Variants in TGIF1 observed in about 807,000 individuals in gnomAD.
TGIF1 encodes the protein homeobox protein TGIF1.
A neutral mutation model predicts 19.3 loss-of-function variants in TGIF1; 4 were observed. The ratio of observed to expected loss-of-function variants is 0.21; its 90% confidence interval spans 0.10 to 0.47. The LOEUF (loss-of-function observed/expected upper bound fraction) is 0.47, where lower values mean the gene tolerates loss of function less well. Ranked by LOEUF, TGIF1 falls within the 20% of genes least tolerant of loss-of-function variation. The pLI is 0.98. For missense variants in TGIF1, 275 were observed against 341.4 expected (o/e 0.81, Z 1.53); for synonymous variants, 122 against 129.3 (o/e 0.94, Z 0.38).
upstream of TGIF1, chr18:3,448,013 T>C: frequency 1.0e-6 from 1 of 972,644 alleles, no homozygotes; most frequent in Non-Finnish European, 1.2e-6. Context: ...AGCCACCGCG[T>C]GGCCAAGGAG....
chr18:3,449,583 G>A (rs959566510), upstream of TGIF1: 30 of 984,058 alleles, frequency 3.0e-5, no homozygotes, highest in Non-Finnish European at 3.5e-5. Flanking sequence ...CGCTGCTGGA[G>A]GAAGAGCCCC....
chr18:3,457,756 C>G lies in TGIF1; in HGVS notation c.635C>G (p.Ser212Cys), dbSNP rs1487113873. The change falls in exon 3 of 3, where the codon TCT becomes TGT. Residue 212 changes from serine to cysteine, a missense_variant. Coordinates refer to ENST00000343820, the MANE Select transcript of TGIF1 (RefSeq NM_003244.4). The surrounding 1 kb of genome is among the most constrained non-coding windows in gnomAD (Gnocchi z 4.9). ...GCGGCCAAAAACTTCACAGACACCT[C>G]TCTCATGTACCCAGAGGACACTTGT... ...QIAAKNFTDTSLMYPEDTCKS... is the reference protein window; with the variant it reads ...QIAAKNFTDTCLMYPEDTCKS... The G allele has an allele frequency of 1.2e-6, 2 of 1,614,218 alleles. No individual in the cohort carries two copies. The highest frequency in any genetic ancestry group is 1.1e-5 in the South Asian group (1 of 91,092).
chr18:3,433,289 G>C lies in TGIF1; in HGVS notation c.-45+15074G>C, dbSNP rs145193471. ...GGATTTCCCCATGTTGGCCAGGCTGGTCTCCAACTCCTGGCCTCACGTGAT... is the reference window on the plus strand; with the variant it reads ...GGATTTCCCCATGTTGGCCAGGCTGCTCTCCAACTCCTGGCCTCACGTGAT... On this transcript the variant is annotated intron_variant, in intron 2 of 3. Transcript: ENST00000401449. Among the ~76,000 whole-genome samples, 874 of 151,908 alleles carry C rather than the reference G, an allele frequency of 5.8e-3. 25 individuals carry two copies. In the East Asian group the frequency reaches 0.077, roughly 13 times the overall value.
chr18:3,436,255 T>G (rs1487898511), intron 2 of TGIF1, among the ~76,000 whole-genome samples: 1 of 152,198 alleles, frequency 6.6e-6, no homozygotes, highest in Admixed American at 6.5e-5. Context: ...CTTTTTATGA[T>G]GATAAAAGTA....
upstream of TGIF1, chr18:3,447,644 T>C: frequency 7.1e-7 from 1 of 1,415,932 alleles, no homozygotes; most frequent in South Asian, 1.2e-5. Context: ...GGGGTGCATC[T>C]ACGGGAGCGG....
upstream of TGIF1, chr18:3,447,540 T>C (rs1325624410): frequency 4.4e-6 from 3 of 678,604 alleles, no homozygotes; most frequent in Non-Finnish European, 8.1e-6. Context: ...CTTTGTTACG[T>C]TGCGCTGACC....
At position 3,457,390 on chromosome 18, in the gene TGIF1, G is replaced by A. The variant is rs1057517835; in HGVS notation, c.269G>A (p.Arg90His). 6.2e-7 allele frequency: 1 copy of A among 1,614,212 alleles called. No homozygotes were observed. The highest frequency in any genetic ancestry group is 8.5e-7 in the Non-Finnish European group (1 of 1,180,028). Residue 90 changes from arginine to histidine, a missense_variant, in exon 3 of 3, where the codon CGC becomes CAC. Arg to His is a conservative substitution (Grantham distance 29, BLOSUM62 0). Coordinates refer to ENST00000343820, the MANE Select transcript of TGIF1 (RefSeq NM_003244.4). This position sits in a 1 kb window ranked among gnomAD's most constrained non-coding sequence, Gnocchi z 4.9. ...GTCTGTAACTGGTTCATCAACGCCC[G>A]CCGCAGGCTCCTCCCTGACATGCTG... Reference protein sequence around the residue: ...LQVCNWFINARRRLLPDMLRK... With the variant: ...LQVCNWFINAHRRLLPDMLRK...
chr18:3,449,538 T>TGGCGCC, upstream of TGIF1: 1 of 961,946 alleles, frequency 1.0e-6, no homozygotes, highest in Non-Finnish European at 1.2e-6. Context: ...GTCTCATCAT[T>TGGCGCC]CCCCCCCGCC....
At chr18:3,448,955 G>A (rs892420799), upstream of TGIF1, among the ~76,000 whole-genome samples, 2 of 152,048 alleles carry the variant, frequency 1.3e-5, no homozygotes, top group African/African-American at 2.4e-5. Flanking sequence ...TACGTTTAGG[G>A]CTTTTCTTTC....
Position 3,450,247 on chromosome 18 carries a change from G to A in TGIF1, c.-243G>A, listed in dbSNP as rs994311400. 3 of 1,427,246 alleles carry A rather than the reference G, an allele frequency of 2.1e-6. No individual in the cohort carries two copies. The highest frequency in any genetic ancestry group is 5.8e-5 in the Admixed American group (2 of 34,666). The allele number at this position is 1,427,246 out of a possible 1,614,324, so 88.4% of individuals were successfully genotyped here. On this transcript the variant is annotated 5_prime_UTR_variant, in exon 1 of 3. Transcript: ENST00000343820. The stretch of plus-strand genomic sequence containing the variant: ...GAGAGGGGAGGGGAGAGAGTTGGGC[G>A]AGGGAGAGCCCCCGGCCGGCTGCCA...
At chr18:3,418,922 A>G (rs2082366380) in intron 2 of TGIF1, 2 of 152,174 alleles carry the variant, frequency 1.3e-5, no homozygotes, top group Non-Finnish European at 2.9e-5. Flanking sequence ...GATGGGCGTG[A>G]TGGCAGGTGC....
In TGIF1 at chr18:3,450,191, G is replaced by T. The variant is rs994460789; in HGVS notation, c.-299G>T. 5 of 1,352,514 alleles carry T rather than the reference G, an allele frequency of 3.7e-6. No homozygotes were observed. Among genetic ancestry groups the T allele is most frequent in the Admixed American group, 3.2e-5 (1 of 31,086 alleles). 83.8% of individuals were successfully genotyped at this position (1,352,514 alleles called of 1,614,324 possible). Reference sequence around the variant, plus strand: ...TCTCTCACTCTGACAGCGCCGAGGTGCGCCGAGCAGGAGCAGGGAACAAAG... The same window carrying T: ...TCTCTCACTCTGACAGCGCCGAGGTTCGCCGAGCAGGAGCAGGGAACAAAG... On this transcript the variant is annotated 5_prime_UTR_variant, in exon 1 of 3. Transcript: ENST00000343820.
chr18:3,456,665 C>T lies in TGIF1; in HGVS notation c.243+85C>T, dbSNP rs1229975881. On this transcript the variant is annotated intron_variant, in intron 2 of 2. Coordinates refer to ENST00000343820, the MANE Select transcript of TGIF1 (RefSeq NM_003244.4). The surrounding 1 kb of genome is among the most constrained non-coding windows in gnomAD (Gnocchi z 4.2). Reference sequence around the variant, plus strand: ...CATTCCTGTGTGTCAAGTCATTAAGCTCCTTGCCACTCAAAGACAGAAGGA... The same window carrying T: ...CATTCCTGTGTGTCAAGTCATTAAGTTCCTTGCCACTCAAAGACAGAAGGA... 2 of 1,169,612 alleles carry T rather than the reference C, an allele frequency of 1.7e-6. No homozygotes were observed. Among genetic ancestry groups the T allele is most frequent in the Non-Finnish European group, 2.5e-6 (2 of 787,492 alleles). 72.5% of individuals were successfully genotyped at this position (1,169,612 alleles called of 1,614,324 possible).
chr18:3,441,683 T>C (rs2082678576), intron 2 of TGIF1, among the ~76,000 whole-genome samples: 1 of 152,238 alleles, frequency 6.6e-6, no homozygotes, highest in Non-Finnish European at 1.5e-5. Context: ...AGATGAATTG[T>C]ACTTATGTTA....
At position 3,426,668 on chromosome 18, in the gene TGIF1, C is replaced by T. The variant is rs141069656; in HGVS notation, c.-45+8453C>T. On this transcript the variant is annotated intron_variant, in intron 2 of 3. Coordinates refer to the TGIF1 transcript ENST00000401449. ...AGTGGAAATGCAAATTGGTACAACCCTTGTGAAGTAGAATTTGGCAATATC... is the reference window on the plus strand; with the variant it reads ...AGTGGAAATGCAAATTGGTACAACCTTTGTGAAGTAGAATTTGGCAATATC... Among the ~76,000 whole-genome samples the T allele has an allele frequency of 2.2e-4, 33 of 152,236 alleles. No homozygotes were observed. In the East Asian group the frequency reaches 3.5e-3, roughly 16 times the overall value.
intron 1 of TGIF1, among the ~76,000 whole-genome samples, chr18:3,454,975 A>T (rs568358551): frequency 1.1e-4 from 17 of 152,328 alleles, no homozygotes; most frequent in African/African-American, 3.8e-4. Flanking sequence ...CTTAAGAGGA[A>T]TATTCCGTGT....
rs571596970 is a variant in TGIF1 at position 3,427,417 on chromosome 18, G to A, written c.-45+9202G>A. ...AAGTGATTCTCTTCCTCAGCCTCCC[G>A]AGTAGCTGGGACTACAGGTGTGCGC... On this transcript the variant is annotated intron_variant, in intron 2 of 3. Transcript: ENST00000401449. 5.9e-5 allele frequency among the ~76,000 whole-genome samples: 9 copies of A among 151,344 alleles called. No individual in the cohort carries two copies. The South Asian group carries it at 1.7e-3, about 28-fold the overall frequency.
At chr18:3,444,635 G>T (rs577113417) in intron 2 of TGIF1, among the ~76,000 whole-genome samples, 21 of 151,824 alleles carry the variant, frequency 1.4e-4, no homozygotes, top group Admixed American at 5.9e-4. Context: ...TTTGTTTTTT[G>T]TTGTTGTTGT....
intron 2 of TGIF1, among the ~76,000 whole-genome samples, chr18:3,443,204 T>C (rs2082695870): frequency 6.6e-6 from 1 of 152,216 alleles, no homozygotes; most frequent in African/African-American, 2.4e-5. Context: ...AGTTGTTAAA[T>C]ATTTCAAATG....
Sources: allele counts gnomAD v4.1 joint callset (sites outside exome capture counted in the v4.1 genomes callset), GRCh38; gene constraint gnomAD v4.1.1; non-coding constraint Gnocchi (gnomAD v3.1); transcripts MANE v1.5; gene names NCBI Gene and HGNC (gene_info 2026-07-23, HGNC 2026-07-21).